CCNC: variants seen among roughly 807,000 people sequenced by gnomAD.
CCNC encodes cyclin C.
In CCNC, 19 loss-of-function variants were observed where a neutral mutation model predicts 50.0. That is an observed-to-expected ratio of 0.38 (90% confidence interval 0.27 to 0.56). CCNC has a LOEUF of 0.56. Ranked by LOEUF, CCNC falls within the 20% of genes least tolerant of loss-of-function variation. CCNC has a pLI of 0.72. For synonymous variants in CCNC, 93 were observed against 103.7 expected (o/e 0.90, Z 0.63); for missense variants, 200 against 327.1 (o/e 0.61, Z 3.00).
In CCNC at chr6:99,561,248, T is replaced by C. The variant is rs1802768781; in HGVS notation, c.294+119A>G. 5.4e-6 allele frequency: 4 copies of C among 735,088 alleles called. No individual in the cohort carries two copies. In the South Asian group the frequency reaches 6.1e-5, roughly 11 times the overall value. The allele number at this position is 735,088 out of a possible 1,614,324, so 45.5% of individuals were successfully genotyped here. ...TATATATTTCTTTGATTTTGTACAATTTTAGTATTTTGCATAAATTACCAT... is the reference window on the plus strand; with the variant it reads ...TATATATTTCTTTGATTTTGTACAACTTTAGTATTTTGCATAAATTACCAT... On this transcript the variant is annotated intron_variant, in intron 4 of 11. Coordinates refer to ENST00000520429, the MANE Select transcript of CCNC (RefSeq NM_005190.4).
intron 11 of CCNC, chr6:99,544,041 G>A: frequency 8.4e-7 from 1 of 1,190,558 alleles, no homozygotes; most frequent in Non-Finnish European, 1.1e-6. Flanking sequence ...CAAAACTGTT[G>A]TCCAAAGGCA....
Position 99,549,497 on chromosome 6 carries a change from T to C in CCNC, c.598+11A>G, listed in dbSNP as rs1802208169. 1 of 1,587,896 alleles carries C rather than the reference T, an allele frequency of 6.3e-7. No individual in the cohort carries two copies. Among genetic ancestry groups the C allele is most frequent in the Non-Finnish European group, 8.6e-7 (1 of 1,156,806 alleles). ...CAATTTAACTCATAAAGGCACACCA[T>C]GCTTACATACCTAAAGCTATCATGA... On this transcript the variant is annotated intron_variant, in intron 9 of 11. Transcript: ENST00000520429.
At chr6:99,567,820 C>CA (rs775130487) in intron 1 of CCNC, among the ~76,000 whole-genome samples, 1 of 152,046 alleles carries the variant, frequency 6.6e-6, no homozygotes, top group Non-Finnish European at 1.5e-5. Context: ...CTGACAGAAA[C>CA]AAGAACTTAT....
chr6:99,561,597 C>G lies in CCNC; in HGVS notation c.224G>C (p.Arg75Thr). 1.3e-6 allele frequency: 2 copies of G among 1,594,272 alleles called. No homozygotes were observed. Among genetic ancestry groups the G allele is most frequent in the Non-Finnish European group, 1.7e-6 (2 of 1,164,398 alleles). Reference sequence around the variant, plus strand: ...ATAAATAAAATAAAAACAATCCTACCTGGCATAGAATCTCTTGAAATATAC... The same window carrying G: ...ATAAATAAAATAAAAACAATCCTACGTGGCATAGAATCTCTTGAAATATAC... ...ATVYFKRFYA[R>T]YSLKSIDPVL... The change falls in exon 3 of 12, where the codon AGG becomes ACG. Residue 75 changes from arginine (R) to threonine (T), a missense_variant and splice_region_variant. Transcript: ENST00000520429.
At chr6:99,558,246 C>T (rs1329936580) in intron 5 of CCNC, 8 of 444,016 alleles carry the variant, frequency 1.8e-5, no homozygotes, top group Non-Finnish European at 3.0e-5. Flanking sequence ...TTAAAAGCCA[C>T]TGAGTTGATG....
Position 99,545,104 on chromosome 6 carries a change from C to CGT in CCNC, c.797+7_797+8insAC. 1 of 1,364,468 alleles carries CGT rather than the reference C, an allele frequency of 7.3e-7. No homozygotes were observed. Among genetic ancestry groups the CGT allele is most frequent in the Non-Finnish European group, 1.0e-6 (1 of 953,508 alleles). The allele number at this position is 1,364,468 out of a possible 1,614,324, so 84.5% of individuals were successfully genotyped here. ...AAATGACATCAATAATTAAAGTCTA[C>CGT]AAAGTACCTGTTTGGAGGTGGTTTT... On this transcript the variant is annotated splice_region_variant and intron_variant, in intron 11 of 11. Transcript: ENST00000520429.
chr6:99,558,531 T>C lies in CCNC; in HGVS notation c.312A>G (p.Ser104=). Residue 104 remains serine, a synonymous_variant, in exon 5 of 12, where the codon TCA becomes TCG. Transcript: ENST00000520429. The stretch of plus-strand genomic sequence containing the variant: ...TAGCAGCAGCAATCAATCTTGTATT[T>C]GAAACTACTCCAAATTCCTAAAGAA... ...ASKVEEFGVV[S]NTRLIAAATS... is the part of the protein sequence containing the mutation. 2 of 1,607,536 alleles carry C rather than the reference T, an allele frequency of 1.2e-6. No individual in the cohort carries two copies.
chr6:99,558,403 C>T (rs768730583), intron 5 of CCNC, 94 bp downstream of exon 5: 62 of 1,541,394 alleles, frequency 4.0e-5, no homozygotes, highest in Non-Finnish European at 5.2e-6. Flanking sequence ...CAACCAATCT[C>T]ATATGTCTCA....
chr6:99,555,975 T>C (rs1802494258), intron 5 of CCNC, among the ~76,000 whole-genome samples: 1 of 146,932 alleles, frequency 6.8e-6, no homozygotes, highest in African/African-American at 2.6e-5. Flanking sequence ...TAAGAACTGC[T>C]GACTCTATCG....
chr6:99,543,510 A>T lies in CCNC; in HGVS notation c.*45T>A. On this transcript the variant is annotated 3_prime_UTR_variant, in exon 12 of 12. Transcript: ENST00000520429. ...TGAAGACATTACTGAAATCTGTCCA[A>T]TGGTTTATTTCCAAGTGGTCCACTA... The T allele has an allele frequency of 6.2e-7, 1 of 1,604,698 alleles. No homozygotes were observed. The highest frequency in any genetic ancestry group is 8.5e-7 in the Non-Finnish European group (1 of 1,172,100).
intron 1 of CCNC, among the ~76,000 whole-genome samples, chr6:99,567,430 C>CAT (rs745566483): frequency 5.3e-5 from 8 of 151,320 alleles, no homozygotes; most frequent in African/African-American, 1.7e-4. Flanking sequence ...CATATATATA[C>CAT]ACACACACAC....
At position 99,543,367 on chromosome 6, in the gene CCNC, G is replaced by A. The variant is rs925952035; in HGVS notation, c.*188C>T. On this transcript the variant is annotated 3_prime_UTR_variant, in exon 12 of 12. Coordinates refer to ENST00000520429, the MANE Select transcript of CCNC (RefSeq NM_005190.4). ...AACCTTTCCAAACATTTATAATCAA[G>A]AGATTTTAATCAATTATGTACTAGA... 7 of 573,044 alleles carry A rather than the reference G, an allele frequency of 1.2e-5. No individual in the cohort carries two copies. The highest frequency in any genetic ancestry group is 5.6e-5 in the African/African-American group (3 of 53,100). The allele number at this position is 573,044 out of a possible 1,614,324, so 35.5% of individuals were successfully genotyped here. A position where few individuals can be genotyped will look rare whatever the true frequency, so the allele number is the denominator to read the frequency against.
intron 7 of CCNC, 75 bp from the exon 8 acceptor site, chr6:99,550,384 C>A (rs1802241216): frequency 1.0e-6 from 1 of 984,366 alleles, no homozygotes; most frequent in Non-Finnish European, 1.6e-6. Flanking sequence ...CATTACCCAA[C>A]TGATTTGTAA....
Position 99,562,920 on chromosome 6 carries a change from G to C in CCNC, c.61C>G (p.Leu21Val). 6.2e-7 allele frequency: 1 copy of C among 1,605,668 alleles called. No individual in the cohort carries two copies. The highest frequency in any genetic ancestry group is 8.5e-7 in the Non-Finnish European group (1 of 1,177,066). ...YLQWILDKQDLLKERQKDLKF... is the reference protein window; with the variant it reads ...YLQWILDKQDVLKERQKDLKF... Reference sequence around the variant, plus strand: ...AAATCCTTTTGGCGCTCCTTCAACAGATCTTGTTTATCCAAAATCCATTGC... The same window carrying C: ...AAATCCTTTTGGCGCTCCTTCAACACATCTTGTTTATCCAAAATCCATTGC... Residue 21 changes from leucine (L) to valine (V), a missense_variant, in exon 2 of 12, where the codon CTG (leucine) becomes GTG (valine). By Grantham distance (32) the Leu-to-Val change is conservative. Coordinates refer to ENST00000520429, the MANE Select transcript of CCNC (RefSeq NM_005190.4).
intron 5 of CCNC, chr6:99,557,796 AAAAAAAAAAAAAGAAAG>A (rs1483426349): frequency 9.6e-6 from 1 of 104,200 alleles, no homozygotes; most frequent in Admixed American, 9.8e-5. Flanking sequence ...CTCAAAAAAA[AAAAAAAAAAAAAGAAAG>A]AAAAAAAAAA....
rs1189496320 is a variant in CCNC at position 99,568,656 on chromosome 6, G to T, written c.-129C>A. ...CTCGGCTCGACTCCGCTCCGCGGCG[G>T]CGACGGCGAAAGGAAGAGGATGGCC... is the stretch of plus-strand genomic sequence containing the variant. On this transcript the variant is annotated 5_prime_UTR_variant, in exon 1 of 12. Transcript: ENST00000520429. 1 of 1,525,586 alleles carries T rather than the reference G, an allele frequency of 6.6e-7. No individual in the cohort carries two copies. The highest frequency in any genetic ancestry group is 2.5e-5 in the East Asian group (1 of 40,698). 94.5% of individuals were successfully genotyped at this position (1,525,586 alleles called of 1,614,324 possible).
At chr6:99,557,416 T>A (rs552471360) in intron 5 of CCNC, 2 of 152,238 alleles carry the variant, frequency 1.3e-5, no homozygotes, top group South Asian at 4.2e-4. Context: ...TGTGGACCAA[T>A]ATATGTCCCC....
intron 5 of CCNC, chr6:99,557,899 G>A (rs543967): frequency 0.39 from 59,341 of 151,824 alleles, 11,746 homozygotes; most frequent in East Asian, 0.53. Flanking sequence ...AGCAAACCAG[G>A]AGTGTGTGTG....
intron 1 of CCNC, chr6:99,567,008 G>A (rs979296718): frequency 1.6e-5 from 7 of 446,308 alleles, no homozygotes; most frequent in African/African-American, 1.4e-4. Context: ...CAAGGGATTT[G>A]AGCAAGGCAA....
Sources: allele counts gnomAD v4.1 joint callset (sites outside exome capture counted in the v4.1 genomes callset), GRCh38; gene constraint gnomAD v4.1.1; transcripts MANE v1.5; gene names NCBI Gene and HGNC (gene_info 2026-07-23, HGNC 2026-07-21).